Variants in NPM2 observed in about 807,000 individuals in gnomAD.
NPM2 encodes nucleoplasmin-2.
NPM2 carries 25 observed loss-of-function variants against 32.0 expected under a neutral mutation model. The observed-to-expected ratio is 0.78, with a 90% CI of 0.57 to 1.09. The LOEUF is 1.09. Ranked by LOEUF, NPM2 falls within the 50% of genes least tolerant of loss-of-function variation. The pLI is 0.00. For missense variants in NPM2, 282 were observed against 259.9 expected (o/e 1.08, Z -0.58); for synonymous variants, 111 against 94.2 (o/e 1.18, Z -1.04).
In NPM2 at chr8:22,033,150, G is replaced by T; in HGVS notation, c.291G>T (p.Gln97His). 1 of 1,614,126 alleles carries T rather than the reference G, an allele frequency of 6.2e-7. No homozygotes were observed. The highest frequency in any genetic ancestry group is 1.1e-5 in the South Asian group (1 of 91,076). ...VLPMVSMVGV[Q>H]LSPPVTFQLR... ...TGCAGGTCTCCATGGTAGGAGTGCAGCTTTCTCCCCCAGTTACTTTCCAGC... is the reference window on the plus strand; with the variant it reads ...TGCAGGTCTCCATGGTAGGAGTGCATCTTTCTCCCCCAGTTACTTTCCAGC... Residue 97 changes from glutamine (Q) to histidine (H), a missense_variant, in exon 6 of 10, where the codon CAG (glutamine) becomes CAT (histidine). By Grantham distance (24) the Gln-to-His change is conservative. Transcript: ENST00000518119.
chr8:22,034,625 T>C (rs1800559445), intron 8 of NPM2, 81 bp downstream of exon 8: 1 of 1,203,280 alleles, frequency 8.3e-7, no homozygotes. Context: ...GCTGTTGGGA[T>C]GTACGTGTAC....
chr8:22,027,273 C>T (rs923993014), intron 5 of NPM2, among the ~76,000 whole-genome samples: 1 of 152,138 alleles, frequency 6.6e-6, no homozygotes, highest in African/African-American at 2.4e-5. Flanking sequence ...ATCAGCTGTC[C>T]TTGGAGGTTT....
intron 5 of NPM2, among the ~76,000 whole-genome samples, chr8:22,031,747 G>C (rs772542843): frequency 6.6e-6 from 1 of 152,184 alleles, no homozygotes; most frequent in African/African-American, 2.4e-5. Flanking sequence ...TGCGTGCTCG[G>C]CCTGTGTGTG....
rs766745359 is a variant in NPM2, at chr8:22,033,222, T to C, written c.363T>C (p.Tyr121=). Residue 121 remains tyrosine, a splice_region_variant and synonymous_variant, in exon 6 of 10, where the codon TAT becomes TAC. Transcript: ENST00000518119. ...GPVFLSGQER[Y]EASDLTWEEE... ...TGTTCCTCAGTGGCCAGGAACGTTA[T>C]GGTAAGTCAGAGCCTGCGATCAGGA... The C allele has an allele frequency of 6.8e-6, 11 of 1,613,438 alleles. No individual in the cohort carries two copies. The highest frequency in any genetic ancestry group is 2.7e-5 in the African/African-American group (2 of 74,874).
Position 22,036,686 on chromosome 8 carries a change from G to A in NPM2, c.*4G>A, listed in dbSNP as rs1585526314. ...GAAGCCAGGATTCAAGAAATGAGGA[G>A]CCACGCCTTGGGGGGCACGGTGCAA... On this transcript the variant is annotated 3_prime_UTR_variant, in exon 10 of 10. Coordinates refer to ENST00000518119, the MANE Select transcript of NPM2 (RefSeq NM_001286680.2). 3 of 1,546,404 alleles carry A rather than the reference G, an allele frequency of 1.9e-6. No individual in the cohort carries two copies. The highest frequency in any genetic ancestry group is 2.6e-6 in the Non-Finnish European group (3 of 1,145,984).
At chr8:22,031,769 A>C (rs1290750635) in intron 5 of NPM2, among the ~76,000 whole-genome samples, 1 of 152,210 alleles carries the variant, frequency 6.6e-6, no homozygotes, top group Non-Finnish European at 1.5e-5. Flanking sequence ...GTTTTGAAGC[A>C]AAAAGTCCTG....
intron 5 of NPM2, among the ~76,000 whole-genome samples, chr8:22,031,938 C>G (rs1252525305): frequency 6.6e-6 from 1 of 152,188 alleles, no homozygotes; most frequent in Non-Finnish European, 1.5e-5. Context: ...TTCAGCCATG[C>G]AGTAGAAACA....
At chr8:22,033,681 T>C (rs748567619) in intron 6 of NPM2, among the ~76,000 whole-genome samples, 1 of 152,198 alleles carries the variant, frequency 6.6e-6, no homozygotes, top group Non-Finnish European at 1.5e-5. Flanking sequence ...GGTACTCTCC[T>C]GCTAAAAAGC....
intron 2 of NPM2, 34 bp from the exon 3 acceptor site, chr8:22,025,182 G>C (rs1425399901): frequency 6.4e-7 from 1 of 1,555,832 alleles, no homozygotes; most frequent in East Asian, 2.3e-5. Context: ...TCAGGGTCAG[G>C]GAGCAAGGCC....
chr8:22,026,044 A>G (rs11775328), intron 5 of NPM2, among the ~76,000 whole-genome samples: 145,005 of 152,216 alleles, frequency 0.95, 69,472 homozygotes, highest in East Asian at 1. Flanking sequence ...GTTAGGAACC[A>G]GGCAGCACAG....
chr8:22,036,564 C>A (rs1263924945), intron 9 of NPM2, 38 bp downstream of exon 9: 7 of 1,575,558 alleles, frequency 4.4e-6, no homozygotes, highest in Non-Finnish European at 5.2e-6. Context: ...TTGGGACAGG[C>A]GAGTATTCTC....
Position 22,025,304 on chromosome 8 carries a change from G to T in NPM2, c.56G>T (p.Trp19Leu), listed in dbSNP as rs1288131842. ...GAAAAGGCAGTGACGACCGTGCTCT[G>T]GGGTGAGTGGGGACTCAGGCTCCTT... Reference protein sequence around the residue: ...TEEKAVTTVLWGCELSQERRT... With the variant: ...TEEKAVTTVLLGCELSQERRT... Residue 19 changes from tryptophan to leucine, a missense_variant and splice_region_variant, in exon 3 of 10, where the codon TGG (tryptophan) becomes TTG (leucine). Transcript: ENST00000518119. 4 of 1,607,822 alleles carry T rather than the reference G, an allele frequency of 2.5e-6. No homozygotes were observed. Among genetic ancestry groups the T allele is most frequent in the Non-Finnish European group, 3.4e-6 (4 of 1,177,646 alleles).
chr8:22,036,815 C>T lies in NPM2; in HGVS notation c.*133C>T. ...GGTGTTGCGGGGGCAACATGAGAGC[C>T]CCTCACCCCCAACTCTCCACTTTCA... On this transcript the variant is annotated 3_prime_UTR_variant, in exon 10 of 10. Coordinates refer to ENST00000518119, the MANE Select transcript of NPM2 (RefSeq NM_001286680.2). 2 of 859,178 alleles carry T rather than the reference C, an allele frequency of 2.3e-6. No homozygotes were observed. Among genetic ancestry groups the T allele is most frequent in the Non-Finnish European group, 3.5e-6 (2 of 578,168 alleles). 53.2% of individuals were successfully genotyped at this position (859,178 alleles called of 1,614,324 possible). A position where few individuals can be genotyped will look rare whatever the true frequency, so the allele number is the denominator to read the frequency against.
At chr8:22,025,082 G>A (rs1003421968) in intron 2 of NPM2, 134 bp from the exon 3 acceptor site, 20 of 674,974 alleles carry the variant, frequency 3.0e-5, no homozygotes, top group Non-Finnish European at 4.9e-5. Context: ...TTGCCGGTGA[G>A]CCCTTGACCG....
At chr8:22,027,221 G>C (rs1451907992) in intron 5 of NPM2, among the ~76,000 whole-genome samples, 1 of 152,150 alleles carries the variant, frequency 6.6e-6, no homozygotes, top group Admixed American at 6.5e-5. Context: ...TGAGGGTGGA[G>C]GGTTCTCTCC....
In NPM2 at chr8:22,034,127, G is replaced by A. The variant is rs1563356554; in HGVS notation, c.383G>A (p.Trp128Ter). The change falls in exon 7 of 10, where the codon TGG (tryptophan) becomes TAG (stop). Residue 128 changes from tryptophan (W) to a stop codon, truncating the protein, a stop_gained. Transcript: ENST00000518119. LOFTEE classifies it high-confidence loss of function. ...QERYEASDLT[W>*]EEEEEEEGEE... Reference sequence around the variant, plus strand: ...ATTACAGAAGCATCAGACCTAACCTGGGAGGAGGAGGAGGAAGAAGAAGGG... The same window carrying A: ...ATTACAGAAGCATCAGACCTAACCTAGGAGGAGGAGGAGGAAGAAGAAGGG... 2.5e-6 allele frequency: 4 copies of A among 1,603,230 alleles called. No homozygotes were observed. Among genetic ancestry groups the A allele is most frequent in the Admixed American group, 3.4e-5 (2 of 59,326 alleles).
In NPM2 at chr8:22,036,835, C is replaced by T. The variant is rs1270576870; in HGVS notation, c.*153C>T. 2.8e-6 allele frequency: 2 copies of T among 722,530 alleles called. No homozygotes were observed. Among genetic ancestry groups the T allele is most frequent in the Non-Finnish European group, 2.2e-6 (1 of 459,852 alleles). The allele number at this position is 722,530 out of a possible 1,614,324, so 44.8% of individuals were successfully genotyped here. On this transcript the variant is annotated 3_prime_UTR_variant, in exon 10 of 10. Transcript: ENST00000518119. ...AGAGCCCCTCACCCCCAACTCTCCA[C>T]TTTCAGGAGGCCCCCAGTGAAGAGC... is the stretch of plus-strand genomic sequence containing the variant.
rs28572693 is a variant in NPM2 at position 22,025,627 on chromosome 8, C to T, written c.145-20C>T. On this transcript the variant is annotated intron_variant, in intron 4 of 9. Transcript: ENST00000518119. ...CGGCCCTCAGGGTGATGAGGGGCCT[C>T]TATTTTCAACCCCGCTCAGATTTGC... The T allele has an allele frequency of 4.6e-3, 7,355 of 1,614,108 alleles. 283 individuals are homozygous for T. The African/African-American group carries it at 0.084, about 18-fold the overall frequency.
chr8:22,025,355 G>A (rs1389251003), intron 3 of NPM2, 49 bp downstream of exon 3: 3 of 1,601,254 alleles, frequency 1.9e-6, no homozygotes, highest in East Asian at 2.2e-5. Flanking sequence ...CACCTCCGGT[G>A]CGCGGCAGCT....
Sources: allele counts gnomAD v4.1 joint callset (sites outside exome capture counted in the v4.1 genomes callset), GRCh38; gene constraint gnomAD v4.1.1; transcripts MANE v1.5; gene names NCBI Gene and HGNC (gene_info 2026-07-23, HGNC 2026-07-21).